The following CDH7 variants were observed in gnomAD, a reference collection of about 807,000 sequenced individuals.
CDH7 encodes the protein cadherin-7.
In CDH7, 25 loss-of-function variants were observed where a neutral mutation model predicts 71.8. That is an observed-to-expected ratio of 0.35 (90% confidence interval 0.25 to 0.49). The LOEUF (loss-of-function observed/expected upper bound fraction) is 0.49. CDH7 is among the 20% of genes least tolerant of loss of function. The pLI is 0.99. For missense variants in CDH7, 862 were observed against 974.6 expected (o/e 0.88, Z 1.54); for synonymous variants, 381 against 363.8 (o/e 1.05, Z -0.54).
At chr18:65,810,027 C>A in intron 3 of CDH7, 29 bp downstream of exon 3, 1 of 1,568,930 alleles carries the variant, frequency 6.4e-7, no homozygotes, top group Middle Eastern at 1.7e-4. Context: ...GCTTTTGTAG[C>A]TTGTGGCCGA....
intron 2 of CDH7, among the ~76,000 whole-genome samples, chr18:65,779,257 C>CTT (rs34051231): frequency 0.089 from 6,504 of 72,856 alleles, 640 homozygotes; most frequent in African/African-American, 0.1. Flanking sequence ...AGAAAACATT[C>CTT]TTTTTTTTTT....
At chr18:65,781,962 TTCTC>T (rs575419221) in intron 2 of CDH7, among the ~76,000 whole-genome samples, 3,989 of 45,826 alleles carry the variant, frequency 0.087, 550 homozygotes, top group African/African-American at 0.12. Flanking sequence ...CTTTCTCTCT[TTCTC>T]TCTCTCTCTC....
chr18:65,855,410 C>A (rs1264019485), intron 7 of CDH7, among the ~76,000 whole-genome samples: 1 of 150,198 alleles, frequency 6.7e-6, no homozygotes, highest in African/African-American at 2.4e-5. Flanking sequence ...ATGTTACACA[C>A]CCCGCAAACA....
Position 65,776,401 on chromosome 18 carries a change from C to CACAG in CDH7, c.210+13350_210+13351insCAGA, listed in dbSNP as rs1370490839. 7.2e-4 allele frequency among the ~76,000 whole-genome samples: 90 copies of CACAG among 124,752 alleles called. 1 individual carries two copies. The East Asian group carries it at 7.9e-3, about 11-fold the overall frequency. 81.8% of individuals were successfully genotyped at this position (124,752 alleles called of 152,430 possible). On this transcript the variant is annotated intron_variant, in intron 2 of 11. Coordinates refer to ENST00000397968, the MANE Select transcript of CDH7 (RefSeq NM_004361.5). The stretch of plus-strand genomic sequence containing the variant: ...ACACACACACACACACACACACACA[C>CACAG]AGAGAGAGAGAGAGGGAAGAGAGAG...
chr18:65,883,783 A>C lies in CDH7; in HGVS notation c.*2889A>C, dbSNP rs1664355083. On this transcript the variant is annotated 3_prime_UTR_variant, in exon 12 of 12. Transcript: ENST00000397968. ...ATGTCATAATTGTAAATATAGTATG[A>C]ATTTATATGATTTAAAATAATGACA... 1.3e-5 allele frequency: 2 copies of C among 152,272 alleles called. No homozygotes were observed. The highest frequency in any genetic ancestry group is 2.9e-5 in the Non-Finnish European group (2 of 67,980). The allele number at this position is 152,272 out of a possible 1,614,324, so 9.4% of individuals were successfully genotyped here.
Position 65,883,220 on chromosome 18 carries a change from T to A in CDH7, c.*2326T>A, listed in dbSNP as rs1198626423. On this transcript the variant is annotated 3_prime_UTR_variant, in exon 12 of 12. Transcript: ENST00000397968. Reference sequence around the variant, plus strand: ...TACAGTATTACATTTCATTCAGTGGTATTTTTTAATTAAAAAAATTAATTT... The same window carrying A: ...TACAGTATTACATTTCATTCAGTGGAATTTTTTAATTAAAAAAATTAATTT... 1 of 152,032 alleles carries A rather than the reference T, an allele frequency of 6.6e-6. No individual in the cohort carries two copies. The highest frequency in any genetic ancestry group is 1.9e-4 in the East Asian group (1 of 5,192). 9.4% of individuals were successfully genotyped at this position (152,032 alleles called of 1,614,324 possible).
At chr18:65,803,490 T>C (rs1428919575) in intron 2 of CDH7, 1 of 152,174 alleles carries the variant, frequency 6.6e-6, no homozygotes, top group Admixed American at 6.5e-5. Context: ...TCATTAGAGA[T>C]GCTTTATAAG....
intron 4 of CDH7, among the ~76,000 whole-genome samples, 180 bp from the exon 5 acceptor site, chr18:65,821,901 T>A (rs1297965730): frequency 6.6e-6 from 1 of 152,182 alleles, no homozygotes; most frequent in Admixed American, 6.5e-5. Context: ...TTCTCTGTTT[T>A]GTAACATTGT....
At chr18:65,855,853 A>G (rs1412272949) in intron 7 of CDH7, among the ~76,000 whole-genome samples, 2 of 152,222 alleles carry the variant, frequency 1.3e-5, no homozygotes, top group East Asian at 1.9e-4. Context: ...AGATAACTCA[A>G]TCAAGCAATA....
intron 6 of CDH7, among the ~76,000 whole-genome samples, chr18:65,830,835 C>T (rs1310684202): frequency 1.3e-5 from 2 of 150,932 alleles, no homozygotes; most frequent in African/African-American, 2.4e-5. Flanking sequence ...GTCATGATAG[C>T]TCTTGGCTGT....
At chr18:65,875,475 T>C (rs1408507508) in intron 11 of CDH7, among the ~76,000 whole-genome samples, 1 of 151,980 alleles carries the variant, frequency 6.6e-6, no homozygotes, top group African/African-American at 2.4e-5. Context: ...GCCCACTAAT[T>C]TGTAGTATGG....
At chr18:65,838,895 A>G (rs1003926901) in intron 6 of CDH7, among the ~76,000 whole-genome samples, 2 of 152,234 alleles carry the variant, frequency 1.3e-5, no homozygotes, top group Admixed American at 6.5e-5. Flanking sequence ...CGTACTCTTT[A>G]CTTTCCATTT....
At chr18:65,829,911 G>A (rs902004555) in intron 6 of CDH7, among the ~76,000 whole-genome samples, 2 of 151,588 alleles carry the variant, frequency 1.3e-5, no homozygotes, top group African/African-American at 4.9e-5. Flanking sequence ...GTGGCCACAA[G>A]GATTGAATAA....
Position 65,882,981 on chromosome 18 carries a change from C to T in CDH7, c.*2087C>T, listed in dbSNP as rs960228282. ...ATGATGTCAAAACTGCTGATTGTTGCACATACCACTAAACGGAGGTGTGGA... is the reference window on the plus strand; with the variant it reads ...ATGATGTCAAAACTGCTGATTGTTGTACATACCACTAAACGGAGGTGTGGA... On this transcript the variant is annotated 3_prime_UTR_variant, in exon 12 of 12. Coordinates refer to ENST00000397968, the MANE Select transcript of CDH7 (RefSeq NM_004361.5). The T allele has an allele frequency of 6.6e-6, 1 of 152,052 alleles. No homozygotes were observed. The highest frequency in any genetic ancestry group is 6.6e-5 in the Admixed American group (1 of 15,264). 9.4% of individuals were successfully genotyped at this position (152,052 alleles called of 1,614,324 possible).
Position 65,888,606 on chromosome 18 carries a change from T to C in CDH7, c.*7712T>C, listed in dbSNP as rs916035125. 6 of 152,300 alleles carry C rather than the reference T, an allele frequency of 3.9e-5. No individual in the cohort carries two copies. The highest frequency in any genetic ancestry group is 9.6e-5 in the African/African-American group (4 of 41,570). 9.4% of individuals were successfully genotyped at this position (152,300 alleles called of 1,614,324 possible). Reference sequence around the variant, plus strand: ...TCACAATAAAGTTTTTCCACAGATATGTAATTTTAAGTTAGATAACATTCT... The same window carrying C: ...TCACAATAAAGTTTTTCCACAGATACGTAATTTTAAGTTAGATAACATTCT... On this transcript the variant is annotated 3_prime_UTR_variant, in exon 12 of 12. Coordinates refer to ENST00000397968, the MANE Select transcript of CDH7 (RefSeq NM_004361.5).
chr18:65,761,467 A>C (rs940665889), intron 1 of CDH7, among the ~76,000 whole-genome samples: 13 of 148,726 alleles, frequency 8.7e-5, no homozygotes, highest in African/African-American at 3.2e-4. Flanking sequence ...AGGATAGTGC[A>C]TTTTCTGCCT....
intron 7 of CDH7, among the ~76,000 whole-genome samples, chr18:65,855,352 GA>G (rs71167163): frequency 1.9e-4 from 28 of 145,214 alleles, no homozygotes; most frequent in Middle Eastern, 3.5e-3. Flanking sequence ...ATTGACAAAG[GA>G]AAAAAAAAAG....
chr18:65,834,042 C>G (rs142417451), intron 6 of CDH7, among the ~76,000 whole-genome samples: 2 of 152,102 alleles, frequency 1.3e-5, no homozygotes, highest in Admixed American at 6.6e-5. Flanking sequence ...TCCTTTCCCC[C>G]CTGCCCTCCC....
chr18:65,754,242 A>G (rs1383768676), intron 1 of CDH7, among the ~76,000 whole-genome samples: 1 of 152,206 alleles, frequency 6.6e-6, no homozygotes, highest in East Asian at 1.9e-4. Context: ...TTGAGTCTGT[A>G]ATCCACTTTG....
Sources: allele counts gnomAD v4.1 joint callset (sites outside exome capture counted in the v4.1 genomes callset), GRCh38; gene constraint gnomAD v4.1.1; transcripts MANE v1.5; gene names NCBI Gene and HGNC (gene_info 2026-07-23, HGNC 2026-07-21).